The following SBF2 variants were observed in gnomAD, a reference collection of about 807,000 sequenced individuals.
SBF2 encodes the protein myotubularin-related protein 13.
In SBF2, 112 loss-of-function variants were observed where a neutral mutation model predicts 225.2. The observed-to-expected ratio is 0.50, with a 90% CI of 0.43 to 0.58. SBF2 has a LOEUF of 0.58. Among genes scored for constraint, SBF2 ranks in the 20% least tolerant of loss-of-function variants. SBF2 has a pLI of 0.00. For synonymous variants in SBF2, 763 were observed against 773.3 expected (o/e 0.99, Z 0.22); for missense variants, 1,996 against 2,206.2 (o/e 0.90, Z 1.91).
At chr11:9,955,540 A>C (rs916447325) in intron 16 of SBF2, among the ~76,000 whole-genome samples, 6 of 152,054 alleles carry the variant, frequency 3.9e-5, no homozygotes, top group African/African-American at 1.4e-4. Context: ...TGCCATTATA[A>C]AGTATTATAT....
intron 6 of SBF2, among the ~76,000 whole-genome samples, chr11:10,010,432 G>A (rs561503913): frequency 2.0e-5 from 3 of 152,226 alleles, no homozygotes; most frequent in Admixed American, 6.5e-5. Context: ...TAAGAAAGGG[G>A]TTGAGTTTCA....
chr11:9,994,577 C>CATATATAT lies in SBF2; in HGVS notation c.976-587_976-580dup, dbSNP rs377348270. On this transcript the variant is annotated intron_variant, in intron 9 of 39. Transcript: ENST00000256190. ...AATAAACCCTAAATCTATATATGTA[C>CATATATAT]ATATATATATATATATGAAAATGAA... 5.4e-4 allele frequency among the ~76,000 whole-genome samples: 72 copies of CATATATAT among 134,106 alleles called. 1 individual carries two copies. The highest frequency in any genetic ancestry group is 3.0e-3 in the East Asian group (12 of 4,066). 88.0% of individuals were successfully genotyped at this position (134,106 alleles called of 152,430 possible).
chr11:9,806,630 A>C (rs1354535280), intron 32 of SBF2, among the ~76,000 whole-genome samples: 1 of 152,208 alleles, frequency 6.6e-6, no homozygotes, highest in African/African-American at 2.4e-5. Flanking sequence ...GTACATGCTT[A>C]ACCTTGTGAC....
At chr11:9,805,384 A>C (rs1326956264) in intron 32 of SBF2, among the ~76,000 whole-genome samples, 1 of 152,034 alleles carries the variant, frequency 6.6e-6, no homozygotes, top group Non-Finnish European at 1.5e-5. Flanking sequence ...ACTGTTGAGT[A>C]GTCGTCCACG....
In SBF2 at chr11:9,849,966, A is replaced by T. The variant is rs560523462; in HGVS notation, c.2806+57T>A. ...CTGCAAATCACTGTGCACAGATGGG[A>T]TCGAGACCTCATGTACCACACAGAT... On this transcript the variant is annotated intron_variant, in intron 22 of 39. Coordinates refer to ENST00000256190, the MANE Select transcript of SBF2 (RefSeq NM_030962.4). 2.0e-6 allele frequency: 3 copies of T among 1,483,838 alleles called. No individual in the cohort carries two copies. The African/African-American group carries it at 4.1e-5, about 21-fold the overall frequency. The allele number at this position is 1,483,838 out of a possible 1,614,324, so 91.9% of individuals were successfully genotyped here.
At chr11:9,868,073 C>T (rs1564933629) in intron 17 of SBF2, among the ~76,000 whole-genome samples, 1 of 152,170 alleles carries the variant, frequency 6.6e-6, no homozygotes, top group East Asian at 1.9e-4. Context: ...CCTGATTTGA[C>T]CATTACACAC....
intron 16 of SBF2, among the ~76,000 whole-genome samples, chr11:9,902,653 A>C (rs1564978445): frequency 1.3e-5 from 2 of 152,206 alleles, no homozygotes; most frequent in Non-Finnish European, 2.9e-5. Context: ...ACCAGATAGA[A>C]AGTCTGAGAT....
At chr11:10,167,322 G>A (rs1440988864) in intron 2 of SBF2, among the ~76,000 whole-genome samples, 2 of 152,110 alleles carry the variant, frequency 1.3e-5, no homozygotes, top group East Asian at 1.9e-4. Context: ...TCTAGTTACA[G>A]GCCAGGCGTG....
chr11:9,839,363 C>T (rs1590193194), intron 26 of SBF2, 135 bp downstream of exon 26: 5 of 873,376 alleles, frequency 5.7e-6, no homozygotes, highest in East Asian at 2.4e-5. Context: ...GATGCTTGCT[C>T]GTATCCTGGA....
At chr11:10,191,099 A>T (rs1202417606) in intron 2 of SBF2, among the ~76,000 whole-genome samples, 1 of 152,232 alleles carries the variant, frequency 6.6e-6, no homozygotes, top group Non-Finnish European at 1.5e-5. Flanking sequence ...TACAACTGCT[A>T]CATATTAACA....
chr11:9,932,956 G>GAAAAAA (rs1590510467), intron 16 of SBF2, among the ~76,000 whole-genome samples: 1 of 5,376 alleles, frequency 1.9e-4, no homozygotes, highest in East Asian at 8.9e-3. Context: ...CAAACGAAAA[G>GAAAAAA]CAAAAAAAAA....
chr11:10,198,367 G>C (rs908621961), intron 1 of SBF2, among the ~76,000 whole-genome samples: 1 of 152,168 alleles, frequency 6.6e-6, no homozygotes, highest in Non-Finnish European at 1.5e-5. Context: ...AATATTTTGA[G>C]AGGAATATTT....
At chr11:10,251,718 T>C (rs1001963745) in intron 1 of SBF2, among the ~76,000 whole-genome samples, 1 of 152,178 alleles carries the variant, frequency 6.6e-6, no homozygotes, top group African/African-American at 2.4e-5. Context: ...TCAAAGGTTT[T>C]AAATGTTTGC....
chr11:10,055,273 T>C (rs1440320650), intron 2 of SBF2, among the ~76,000 whole-genome samples: 2 of 152,136 alleles, frequency 1.3e-5, no homozygotes, highest in African/African-American at 4.8e-5. Flanking sequence ...GGAACACTTA[T>C]ATGCTGCTGC....
At chr11:10,142,430 G>T (rs1954688280) in intron 2 of SBF2, among the ~76,000 whole-genome samples, 1 of 152,098 alleles carries the variant, frequency 6.6e-6, no homozygotes, top group African/African-American at 2.4e-5. Flanking sequence ...TCAAAGCCAC[G>T]GGTTGTAAGA....
intron 2 of SBF2, among the ~76,000 whole-genome samples, chr11:10,154,014 A>G: frequency 6.6e-6 from 1 of 152,072 alleles, no homozygotes; most frequent in African/African-American, 2.4e-5. Flanking sequence ...ATTTAGTTCT[A>G]TTGATTAAAT....
intron 2 of SBF2, among the ~76,000 whole-genome samples, chr11:10,054,580 G>GT (rs1480382940): frequency 2.6e-5 from 4 of 152,106 alleles, no homozygotes; most frequent in African/African-American, 9.7e-5. Flanking sequence ...AACTAAAAAA[G>GT]CTTCTGCAAA....
chr11:9,856,743 C>A, intron 18 of SBF2, 23 bp from the exon 19 acceptor site: 3 of 1,610,508 alleles, frequency 1.9e-6, no homozygotes, highest in Non-Finnish European at 2.5e-6. Context: ...GCAACACAAT[C>A]CAAAAGAGAA....
intron 1 of SBF2, among the ~76,000 whole-genome samples, chr11:10,273,070 C>T (rs1039532228): frequency 6.9e-5 from 8 of 115,436 alleles, no homozygotes; most frequent in East Asian, 2.2e-4. Flanking sequence ...ACTCCGTCTC[C>T]GAAAAAAAAA....
Sources: allele counts gnomAD v4.1 joint callset (sites outside exome capture counted in the v4.1 genomes callset), GRCh38; gene constraint gnomAD v4.1.1; transcripts MANE v1.5; gene names NCBI Gene and HGNC (gene_info 2026-07-23, HGNC 2026-07-21).